TENM3: variants seen among roughly 807,000 people sequenced by gnomAD.
TENM3 encodes teneurin-3.
A neutral mutation model predicts 255.1 loss-of-function variants in TENM3; 63 were observed. The ratio of observed to expected loss-of-function variants is 0.25; its 90% CI spans 0.20 to 0.30. The LOEUF (loss-of-function observed/expected upper bound fraction) is 0.30, where lower values mean the gene tolerates loss of function less well. Ranked by LOEUF, TENM3 falls within the 10% of genes least tolerant of loss-of-function variation. The pLI is 1.00. For synonymous variants in TENM3, 1,306 were observed against 1,322.3 expected, an observed-to-expected ratio of 0.99 and a Z score of 0.27; for missense variants, 2,929 against 3,461.1, an observed-to-expected ratio of 0.85 and a Z score of 3.86.
chr4:182,240,448 ATCCCAG>A (rs946579850), upstream of TENM3, among the ~76,000 whole-genome samples: 5 of 152,146 alleles, frequency 3.3e-5, no homozygotes, highest in Non-Finnish European at 7.3e-5. Flanking sequence ...GCTCACTTTG[ATCCCAG>A]TCCCCTGTTA....
chr4:181,785,650 T>C, the TENM3 span, among the ~76,000 whole-genome samples: 4 of 152,096 alleles, frequency 2.6e-5, no homozygotes, highest in African/African-American at 9.7e-5. Context: ...AATTTTCAGA[T>C]TTGAGATGCT....
At chr4:181,688,833 A>T in the TENM3 span, among the ~76,000 whole-genome samples, 4 of 152,278 alleles carry the variant, frequency 2.6e-5, no homozygotes, top group African/African-American at 9.6e-5. Context: ...GTTTCTGAAG[A>T]GCTTTGTGAG....
At chr4:181,841,103 T>A in the TENM3 span, among the ~76,000 whole-genome samples, 1 of 152,128 alleles carries the variant, frequency 6.6e-6, no homozygotes, top group Non-Finnish European at 1.5e-5. Flanking sequence ...TGGAATAAAA[T>A]ATTCTTATGG....
At chr4:181,919,374 G>GGTGTCTGTGT in the TENM3 span, among the ~76,000 whole-genome samples, 1 of 146,746 alleles carries the variant, frequency 6.8e-6, no homozygotes, top group African/African-American at 2.6e-5. Context: ...AAGCAAAGCA[G>GGTGTCTGTGT]GTGTGTGTGT....
At chr4:181,780,222 A>G in the TENM3 span, among the ~76,000 whole-genome samples, 1 of 152,236 alleles carries the variant, frequency 6.6e-6, no homozygotes, top group Non-Finnish European at 1.5e-5. Flanking sequence ...ACTGTCTTCC[A>G]CAATGGTTGA....
At chr4:182,633,647 CT>C (rs1200580450) in intron 5 of TENM3, among the ~76,000 whole-genome samples, 1 of 152,244 alleles carries the variant, frequency 6.6e-6, no homozygotes, top group Non-Finnish European at 1.5e-5. Context: ...GTGCCGGGCG[CT>C]GTTCTAGAAA....
chr4:182,680,141 C>A, intron 8 of TENM3, 107 bp from the exon 9 acceptor site: 2 of 860,856 alleles, frequency 2.3e-6, no homozygotes, highest in Non-Finnish European at 1.9e-6. Context: ...CAGTGCTTTG[C>A]TTTACTACTC....
chr4:182,591,633 G>GTA (rs1746660393), intron 3 of TENM3, among the ~76,000 whole-genome samples: 1 of 152,134 alleles, frequency 6.6e-6, no homozygotes, highest in Non-Finnish European at 1.5e-5. Context: ...ACACAGTACT[G>GTA]TATTTTAACC....
intron 1 of TENM3, among the ~76,000 whole-genome samples, chr4:182,229,497 CA>C (rs1756409058): frequency 6.6e-6 from 1 of 152,090 alleles, no homozygotes; most frequent in Non-Finnish European, 1.5e-5. Flanking sequence ...TGTAAAAATG[CA>C]TCTCACTTGC....
At chr4:181,559,909 G>A in the TENM3 span, among the ~76,000 whole-genome samples, 1 of 152,188 alleles carries the variant, frequency 6.6e-6, no homozygotes, top group Non-Finnish European at 1.5e-5. Flanking sequence ...TAATGAATAT[G>A]TGTAATGTCC....
At chr4:181,685,941 T>C in the TENM3 span, among the ~76,000 whole-genome samples, 13 of 152,176 alleles carry the variant, frequency 8.5e-5, no homozygotes, top group African/African-American at 3.1e-4. Context: ...CTCAGGGTGT[T>C]AGTATTACTT....
chr4:182,027,930 G>A, the TENM3 span, among the ~76,000 whole-genome samples: 3 of 151,886 alleles, frequency 2.0e-5, no homozygotes, highest in African/African-American at 7.3e-5. Context: ...AGTTGGGTTT[G>A]TTTGTTTGAT....
At chr4:182,020,975 C>T in the TENM3 span, among the ~76,000 whole-genome samples, 2 of 151,938 alleles carry the variant, frequency 1.3e-5, no homozygotes, top group African/African-American at 4.8e-5. Context: ...TCAGGGAGTA[C>T]ATCTGCAGGT....
chr4:181,604,189 C>T, the TENM3 span, among the ~76,000 whole-genome samples: 1 of 151,994 alleles, frequency 6.6e-6, no homozygotes, highest in African/African-American at 2.4e-5. Context: ...GGCGTGAACC[C>T]GGGAGGCGGA....
chr4:181,503,155 G>C, the TENM3 span, among the ~76,000 whole-genome samples: 1 of 152,062 alleles, frequency 6.6e-6, no homozygotes, highest in South Asian at 2.1e-4. Context: ...CCTTGAGGCC[G>C]GGAGTTTGAG....
the TENM3 span, among the ~76,000 whole-genome samples, chr4:181,758,143 T>G: frequency 1.3e-5 from 2 of 152,162 alleles, no homozygotes; most frequent in Non-Finnish European, 2.9e-5. Flanking sequence ...CCCAGTGCTC[T>G]CCAGAATGTG....
chr4:181,476,213 T>TGTTTG, the TENM3 span, among the ~76,000 whole-genome samples: 2 of 83,904 alleles, frequency 2.4e-5, no homozygotes, highest in Non-Finnish European at 6.0e-5. Context: ...GGGGTTTTTT[T>TGTTTG]TTTTTTTTTT....
intron 1 of TENM3, among the ~76,000 whole-genome samples, chr4:182,305,496 T>C (rs1762082531): frequency 6.6e-6 from 1 of 152,234 alleles, no homozygotes; most frequent in South Asian, 2.1e-4. Context: ...AATGTTATTG[T>C]GGTGATCCAT....
At chr4:181,944,023 C>T in the TENM3 span, among the ~76,000 whole-genome samples, 1 of 152,112 alleles carries the variant, frequency 6.6e-6, no homozygotes, top group South Asian at 2.1e-4. Context: ...TGGTTTTGTC[C>T]AGTTCTGTCA....
Sources: gnomAD v4.1 joint callset for allele counts (sites outside exome capture counted in the v4.1 genomes callset) on GRCh38, gnomAD v4.1.1 for gene constraint, MANE v1.5 for transcripts, NCBI Gene and HGNC (gene_info 2026-07-23, HGNC 2026-07-21) for gene names.